Variants in JUP observed in about 807,000 individuals in gnomAD.
The protein encoded by JUP is junction plakoglobin.
In JUP, 28 loss-of-function variants were observed where a neutral mutation model predicts 71.1. The ratio of observed to expected loss-of-function variants is 0.39; its 90% CI spans 0.29 to 0.54. The LOEUF (loss-of-function observed/expected upper bound fraction) is 0.54. Among genes scored for constraint, JUP ranks in the 20% least tolerant of loss-of-function variants. The pLI is 0.62. For synonymous variants in JUP, 401 were observed against 438.9 expected, an observed-to-expected ratio of 0.91 and a Z score of 1.08; for missense variants, 869 against 1,030.1, an observed-to-expected ratio of 0.84 and a Z score of 2.14.
chr17:41,783,261 T>C (rs1391978461), intron 1 of JUP, among the ~76,000 whole-genome samples: 4 of 151,132 alleles, frequency 2.6e-5, no homozygotes, highest in African/African-American at 7.3e-5. Flanking sequence ...TTTCCTCCTC[T>C]GTAGAATGCG....
chr17:41,780,422 A>C (rs1488467646), intron 1 of JUP, among the ~76,000 whole-genome samples: 2 of 148,820 alleles, frequency 1.3e-5, no homozygotes, highest in African/African-American at 5.0e-5. Context: ...GGCCGGGCGC[A>C]GTGGCTCACG....
At chr17:41,778,962 C>T (rs909564590) in intron 1 of JUP, among the ~76,000 whole-genome samples, 5 of 150,932 alleles carry the variant, frequency 3.3e-5, no homozygotes, top group South Asian at 2.1e-4. Context: ...CTTGGCTGGG[C>T]GTGGTGGCTC....
intron 1 of JUP, among the ~76,000 whole-genome samples, chr17:41,782,152 G>A (rs1427226522): frequency 6.6e-6 from 1 of 152,152 alleles, no homozygotes; most frequent in Admixed American, 6.5e-5. Context: ...TCTGGTGTCA[G>A]ATGTCCAGTT....
At position 41,758,741 on chromosome 17, in the gene JUP, C is replaced by T. The variant is rs1555599722; in HGVS notation, c.1627G>A (p.Ala543Thr). The T allele has an allele frequency of 6.2e-7, 1 of 1,604,724 alleles. No individual in the cohort carries two copies. Among genetic ancestry groups the T allele is most frequent in the Non-Finnish European group, 8.5e-7 (1 of 1,175,838 alleles). The change falls in exon 9 of 14, where the codon GCT becomes ACT. Residue 543 changes from alanine (A) to threonine (T), a missense_variant. Transcript: ENST00000393931. ...GTGTAGGGCTGCTGTGTGCCTGCAG[C>T]TACGTGGCGCTGGGCATCCTGGTGG... ...KAHQDAQRHV[A>T]AGTQQPYTDG...
chr17:41,757,449 G>A lies in JUP; in HGVS notation c.2012C>T (p.Ser671Phe). The A allele has an allele frequency of 6.2e-7, 1 of 1,614,244 alleles. No homozygotes were observed. The highest frequency in any genetic ancestry group is 1.3e-5 in the African/African-American group (1 of 75,054). ...RKRVSVELTNSLFKHDPAAWE... is the reference protein window; with the variant it reads ...RKRVSVELTNFLFKHDPAAWE... ...GGCAGCCGGGTCATGCTTGAAGAGG[G>A]AGTTGGTGAGCTCCACGGACACGCG... Residue 671 changes from serine to phenylalanine, a missense_variant, in exon 12 of 14, where the codon TCC becomes TTC. Physicochemically the swap from Ser to Phe is radical, Grantham distance 155. Transcript: ENST00000393931.
At chr17:41,756,134 C>G (rs782067092) in intron 13 of JUP, 41 bp downstream of exon 13, 2 of 1,601,384 alleles carry the variant, frequency 1.2e-6, no homozygotes, top group East Asian at 4.5e-5. Flanking sequence ...ACACAGCCGC[C>G]CAGGATCTCC....
rs897549158 is a variant in JUP, at chr17:41,763,190, T to C, written c.1290A>G (p.Thr430=). Residue 430 remains threonine (T), a synonymous_variant, in exon 8 of 14, where the codon ACA becomes ACG. Transcript: ENST00000393931. ...TGAGAGCCTCCACACCGCTGTTCTG[T>C]GTCACCAGCGTCTTGTTCTTGCTGT... The part of the protein sequence containing the change: ...CNNSKNKTLV[T]QNSGVEALIH... 17 of 1,614,140 alleles carry C rather than the reference T, an allele frequency of 1.1e-5. No individual in the cohort carries two copies. The highest frequency in any genetic ancestry group is 1.4e-5 in the Non-Finnish European group (17 of 1,180,044).
In JUP at chr17:41,754,620, TTTTTA is replaced by T. The variant is rs1269429740; in HGVS notation, c.*1119_*1123del. 1 of 152,714 alleles carries T rather than the reference TTTTTA, an allele frequency of 6.5e-6. No individual in the cohort carries two copies. Among genetic ancestry groups the T allele is most frequent in the Non-Finnish European group, 1.5e-5 (1 of 68,066 alleles). The allele number at this position is 152,714 out of a possible 1,614,324, so 9.5% of individuals were successfully genotyped here. A position where few individuals can be genotyped will look rare whatever the true frequency, so the allele number is the denominator to read the frequency against. Reference sequence around the variant, plus strand: ...AACAGCCTCCAACGCATCTGTGTTATTTTTATTTTCTTTGCTTTGGTCTATACAAA... The same window carrying T: ...AACAGCCTCCAACGCATCTGTGTTATTTTTCTTTGCTTTGGTCTATACAAA... On this transcript the variant is annotated 3_prime_UTR_variant, in exon 14 of 14. Transcript: ENST00000393931.
chr17:41,769,623 G>T lies in JUP; in HGVS notation c.263C>A (p.Ala88Asp), dbSNP rs137891946. Residue 88 changes from alanine (A) to aspartate (D), a missense_variant, in exon 3 of 14, where the codon GCC (alanine) becomes GAC (aspartate). By Grantham distance (126) the Ala-to-Asp change is moderately radical. Transcript: ENST00000393931. Reference sequence around the variant, plus strand: ...CTCGCCTGACACACCAGGGCACATGGCCTCCCGCACCCGTTTGGCCCTGGC... The same window carrying T: ...CTCGCCTGACACACCAGGGCACATGTCCTCCCGCACCCGTTTGGCCCTGGC... Reference protein sequence around the residue: ...TTARAKRVREAMCPGVSGEDS... With the variant: ...TTARAKRVREDMCPGVSGEDS... The T allele has an allele frequency of 3.1e-6, 5 of 1,605,834 alleles. No individual in the cohort carries two copies. The highest frequency in any genetic ancestry group is 2.5e-6 in the Non-Finnish European group (3 of 1,177,166).
intron 8 of JUP, among the ~76,000 whole-genome samples, chr17:41,759,249 A>G (rs1251042427): frequency 6.6e-6 from 1 of 151,712 alleles, no homozygotes; most frequent in Non-Finnish European, 1.5e-5. Context: ...AATTTTTTGT[A>G]TTTTTAGTAG....
chr17:41,769,570 C>A lies in JUP; in HGVS notation c.316G>T (p.Val106Leu), dbSNP rs1916280446. The A allele has an allele frequency of 6.2e-7, 1 of 1,607,552 alleles. No homozygotes were observed. Among genetic ancestry groups the A allele is most frequent in the Non-Finnish European group, 8.5e-7 (1 of 1,177,726 alleles). Residue 106 changes from valine (V) to leucine (L), a missense_variant, in exon 3 of 14, where the codon GTG (valine) becomes TTG (leucine). Physicochemically the swap from Val to Leu is conservative, Grantham distance 32. Transcript: ENST00000393931. ...TGCAGGTTGGTGGCCTGCCCCTCCACCTGGGTGGCCAGCAGAAGCGAGCTG... is the reference window on the plus strand; with the variant it reads ...TGCAGGTTGGTGGCCTGCCCCTCCAACTGGGTGGCCAGCAGAAGCGAGCTG... ...EDSSLLLATQ[V>L]EGQATNLQRL...
At chr17:41,782,200 T>C (rs2047202153) in intron 1 of JUP, among the ~76,000 whole-genome samples, 1 of 152,082 alleles carries the variant, frequency 6.6e-6, no homozygotes, top group African/African-American at 2.4e-5. Flanking sequence ...TGGAGAACAA[T>C]CTGACACCAG....
intron 1 of JUP, 100 bp from the exon 2 acceptor site, chr17:41,771,962 C>T (rs1567823513): frequency 4.0e-6 from 4 of 1,002,264 alleles, no homozygotes; most frequent in South Asian, 1.4e-5. Flanking sequence ...CACATCATCA[C>T]CATGGCCCAG....
At chr17:41,761,938 G>A (rs527727978) in intron 8 of JUP, among the ~76,000 whole-genome samples, 4 of 150,580 alleles carry the variant, frequency 2.7e-5, no homozygotes, top group East Asian at 3.9e-4. Flanking sequence ...ACATGGTGGC[G>A]TGCACCTGTA....
At chr17:41,759,093 G>C (rs1555600026) in intron 8 of JUP, among the ~76,000 whole-genome samples, 1 of 115,202 alleles carries the variant, frequency 8.7e-6, no homozygotes, top group Admixed American at 9.3e-5. Flanking sequence ...TTTTTTTTGA[G>C]ACAGAGTTTC....
At chr17:41,762,411 CACGG>C (rs1915046695) in intron 8 of JUP, among the ~76,000 whole-genome samples, 1 of 151,790 alleles carries the variant, frequency 6.6e-6, no homozygotes, top group East Asian at 1.9e-4. Context: ...TCTTTTAAGA[CACGG>C]GTTCTTGCTC....
chr17:41,782,217 C>T (rs7222250), intron 1 of JUP, among the ~76,000 whole-genome samples: 63,742 of 152,004 alleles, frequency 0.42, 16,239 homozygotes, highest in Non-Finnish European at 0.58. Flanking sequence ...CCAGCTCCTC[C>T]CTAGAGGGCC....
chr17:41,767,566 G>A lies in JUP; in HGVS notation c.722C>T (p.Ser241Leu), dbSNP rs782020555. The change falls in exon 5 of 14, where the codon TCG becomes TTG. Residue 241 changes from serine to leucine, a missense_variant. Ser to Leu is a moderately radical substitution (Grantham distance 145, BLOSUM62 -2). Transcript: ENST00000393931. ...LVRMLSSPVESVLFYAITTLH... is the reference protein window; with the variant it reads ...LVRMLSSPVELVLFYAITTLH... Reference sequence around the variant, plus strand: ...CGTGGTGATGGCATAGAACAGGACCGACTCCACAGGGGAGCTGGGGGGGTG... The same window carrying A: ...CGTGGTGATGGCATAGAACAGGACCAACTCCACAGGGGAGCTGGGGGGGTG... 7.7e-6 allele frequency: 11 copies of A among 1,432,878 alleles called. No individual in the cohort carries two copies. The highest frequency in any genetic ancestry group is 2.3e-5 in the South Asian group (2 of 87,766). 88.8% of individuals were successfully genotyped at this position (1,432,878 alleles called of 1,614,324 possible).
At chr17:41,785,309 C>T (rs566651941) in intron 1 of JUP, among the ~76,000 whole-genome samples, 1 of 150,468 alleles carries the variant, frequency 6.6e-6, no homozygotes, top group South Asian at 2.1e-4. Context: ...CTCAGTTTGG[C>T]CCAGCCCTGC....
Sources: gnomAD v4.1 joint callset for allele counts (sites outside exome capture counted in the v4.1 genomes callset) on GRCh38, gnomAD v4.1.1 for gene constraint, MANE v1.5 for transcripts, NCBI Gene and HGNC (gene_info 2026-07-23, HGNC 2026-07-21) for gene names.